RAB38: variants seen among roughly 807,000 people sequenced by gnomAD.
RAB38 encodes the protein RAB38, member RAS oncogene family, also known as ras-related protein Rab-38.
A neutral mutation model predicts 18.4 loss-of-function variants in RAB38; 15 were observed. The observed-to-expected ratio is 0.82, with a 90% CI of 0.55 to 1.26. The LOEUF is 1.26. RAB38 is among the 50% of genes most tolerant of loss of function. The pLI is 0.00. For missense variants in RAB38, 294 were observed against 267.4 expected, an observed-to-expected ratio of 1.10 and a Z score of -0.69; for synonymous variants, 101 against 104.4, an observed-to-expected ratio of 0.97 and a Z score of 0.20.
At chr11:87,902,026 G>A in the RAB38 span, among the ~76,000 whole-genome samples, 2 of 151,270 alleles carry the variant, frequency 1.3e-5, no homozygotes, top group Non-Finnish European at 1.5e-5. Flanking sequence ...TTGGACTGCA[G>A]GAGAAGATAT....
At chr11:88,120,064 A>T (rs1324452275) in intron 2 of RAB38, among the ~76,000 whole-genome samples, 1 of 152,164 alleles carries the variant, frequency 6.6e-6, no homozygotes, top group Non-Finnish European at 1.5e-5. Context: ...CTTGTCCCTC[A>T]TATCAACCTC....
At chr11:87,935,917 A>G in the RAB38 span, among the ~76,000 whole-genome samples, 3 of 152,134 alleles carry the variant, frequency 2.0e-5, no homozygotes, top group Non-Finnish European at 4.4e-5. Context: ...GATGTTTTAT[A>G]TCGTTCATGT....
At chr11:87,813,532 CACAT>C in the RAB38 span, among the ~76,000 whole-genome samples, 5 of 149,180 alleles carry the variant, frequency 3.4e-5, no homozygotes, top group East Asian at 2.0e-4. Flanking sequence ...CACACACACA[CACAT>C]CTCTGTCAGA....
chr11:87,844,916 C>T, the RAB38 span, among the ~76,000 whole-genome samples: 1 of 152,132 alleles, frequency 6.6e-6, no homozygotes, highest in African/African-American at 2.4e-5. Context: ...CATGTGTGGG[C>T]ACATTCAAAC....
chr11:88,112,361 G>A (rs1014114027), downstream of RAB38, among the ~76,000 whole-genome samples: 1 of 152,176 alleles, frequency 6.6e-6, no homozygotes, highest in Non-Finnish European at 1.5e-5. Flanking sequence ...TTCCTACTGA[G>A]GCAGGGCTTT....
At chr11:87,944,090 G>A in the RAB38 span, among the ~76,000 whole-genome samples, 1 of 152,210 alleles carries the variant, frequency 6.6e-6, no homozygotes, top group African/African-American at 2.4e-5. Context: ...CAGTGCATAT[G>A]CAAGTTATGT....
At chr11:87,849,818 A>G in the RAB38 span, among the ~76,000 whole-genome samples, 1 of 152,168 alleles carries the variant, frequency 6.6e-6, no homozygotes, top group Non-Finnish European at 1.5e-5. Flanking sequence ...GGGCTCCCAC[A>G]GAGCAAAACA....
the RAB38 span, among the ~76,000 whole-genome samples, chr11:87,823,349 G>C: frequency 6.6e-6 from 1 of 151,352 alleles, no homozygotes; most frequent in Admixed American, 6.6e-5. Flanking sequence ...CCCAAATTCA[G>C]CTATAGATTA....
chr11:87,966,687 C>A, the RAB38 span, among the ~76,000 whole-genome samples: 3 of 151,980 alleles, frequency 2.0e-5, no homozygotes, highest in African/African-American at 7.2e-5. Context: ...GTCTCTAGCC[C>A]AAAACAAAAA....
the RAB38 span, among the ~76,000 whole-genome samples, chr11:88,016,233 C>G: frequency 6.6e-6 from 1 of 152,078 alleles, no homozygotes; most frequent in Non-Finnish European, 1.5e-5. Context: ...ACTTCAAAGA[C>G]AAGCGCTCCA....
the RAB38 span, among the ~76,000 whole-genome samples, chr11:87,900,774 G>A: frequency 6.7e-6 from 1 of 150,208 alleles, no homozygotes; most frequent in South Asian, 2.1e-4. Flanking sequence ...GAGGGAGGAA[G>A]AGAGAGAAAA....
the RAB38 span, among the ~76,000 whole-genome samples, chr11:88,078,036 G>A: frequency 6.6e-6 from 1 of 151,936 alleles, no homozygotes; most frequent in African/African-American, 2.4e-5. Context: ...TTACTCAAAA[G>A]AAGACCTGCA....
At chr11:88,014,580 G>A in the RAB38 span, among the ~76,000 whole-genome samples, 26 of 152,264 alleles carry the variant, frequency 1.7e-4, 1 homozygote, top group South Asian at 5.2e-3. Flanking sequence ...CAATCTGGAT[G>A]TAACAAGTCA....
chr11:87,934,109 C>T, the RAB38 span, among the ~76,000 whole-genome samples: 1 of 152,088 alleles, frequency 6.6e-6, no homozygotes, highest in African/African-American at 2.4e-5. Context: ...CTGGACCACT[C>T]AGTGAAGCAC....
At chr11:87,961,693 C>A in the RAB38 span, among the ~76,000 whole-genome samples, 14 of 152,136 alleles carry the variant, frequency 9.2e-5, no homozygotes, top group Admixed American at 2.0e-4. Flanking sequence ...AGAAACCAAG[C>A]CTGGATGCCA....
intron 2 of RAB38, among the ~76,000 whole-genome samples, chr11:88,128,798 G>A (rs1942734671): frequency 6.6e-6 from 1 of 152,188 alleles, no homozygotes; most frequent in African/African-American, 2.4e-5. Flanking sequence ...CCAAGTCCCA[G>A]AGACAGTGGT....
chr11:88,076,329 A>T, the RAB38 span, among the ~76,000 whole-genome samples: 1 of 152,186 alleles, frequency 6.6e-6, no homozygotes, highest in African/African-American at 2.4e-5. Flanking sequence ...TACCGAATGG[A>T]AAAAATTTAA....
At chr11:88,118,549 A>C (rs1209873735) in intron 2 of RAB38, among the ~76,000 whole-genome samples, 4 of 152,196 alleles carry the variant, frequency 2.6e-5, no homozygotes, top group African/African-American at 9.6e-5. Flanking sequence ...AGTGAAAAAC[A>C]CTACCTGGAA....
At chr11:87,832,211 G>T in the RAB38 span, among the ~76,000 whole-genome samples, 16 of 152,108 alleles carry the variant, frequency 1.1e-4, no homozygotes, top group Non-Finnish European at 2.2e-4. Flanking sequence ...CTGTCCTTGT[G>T]CTTATGAAGC....
Sources: allele counts gnomAD v4.1 joint callset (sites outside exome capture counted in the v4.1 genomes callset), GRCh38; gene constraint gnomAD v4.1.1; transcripts MANE v1.5; gene names NCBI Gene and HGNC (gene_info 2026-07-23, HGNC 2026-07-21).